Variants in LUZP2 observed in about 807,000 individuals in gnomAD.
LUZP2 encodes the protein leucine zipper protein 2.
A neutral mutation model predicts 51.6 loss-of-function variants in LUZP2; 52 were observed. The ratio of observed to expected loss-of-function variants is 1.01; its 90% CI spans 0.81 to 1.27. LUZP2 has a LOEUF of 1.27. LUZP2 is among the 50% of genes most tolerant of loss of function. The pLI is 0.00. For missense variants in LUZP2, 436 were observed against 395.4 expected (o/e 1.10, Z -0.87); for synonymous variants, 154 against 137.3 (o/e 1.12, Z -0.85).
At chr11:24,940,807 C>A (rs77404819) in intron 7 of LUZP2, among the ~76,000 whole-genome samples, 1 of 152,066 alleles carries the variant, frequency 6.6e-6, no homozygotes, top group Non-Finnish European at 1.5e-5. Flanking sequence ...TGCATAACCT[C>A]TGAGCTATTT....
chr11:24,646,840 AC>A (rs1263065743), intron 1 of LUZP2, among the ~76,000 whole-genome samples: 1 of 152,032 alleles, frequency 6.6e-6, no homozygotes, highest in African/African-American at 2.4e-5. Flanking sequence ...CAGATGAGCT[AC>A]TTTTAGTGCA....
In LUZP2 at chr11:25,079,160, T is replaced by C. The variant is rs935211779; in HGVS notation, c.*502T>C. 1.3e-5 allele frequency: 2 copies of C among 152,582 alleles called. No homozygotes were observed. Among genetic ancestry groups the C allele is most frequent in the African/African-American group, 4.8e-5 (2 of 41,460 alleles). The allele number at this position is 152,582 out of a possible 1,614,324, so 9.5% of individuals were successfully genotyped here. ...GTTTCTTTGATGGTGTTTATTGCTA[T>C]TGGTATTATTTTGAACTAATAACAA... On this transcript the variant is annotated 3_prime_UTR_variant, in exon 12 of 12. Coordinates refer to ENST00000336930, the MANE Select transcript of LUZP2 (RefSeq NM_001009909.4).
intron 10 of LUZP2, among the ~76,000 whole-genome samples, chr11:25,069,059 C>G (rs1177267807): frequency 1.3e-5 from 2 of 151,972 alleles, no homozygotes; most frequent in African/African-American, 4.8e-5. Flanking sequence ...CAACCATTTA[C>G]TTAGGGATCT....
At chr11:24,878,372 T>C (rs889916823) in intron 5 of LUZP2, among the ~76,000 whole-genome samples, 1 of 152,102 alleles carries the variant, frequency 6.6e-6, no homozygotes, top group Non-Finnish European at 1.5e-5. Context: ...CATACCACTC[T>C]CTCCTATCCT....
rs563122478 is a variant in LUZP2 at position 24,798,075 on chromosome 11, T to G, written c.396+34767T>G. ...GTTTTGTGTTATTAAAAAGAAGTCC[T>G]TTTTTGGCTCTGATGCTCTGTAAAA... On this transcript the variant is annotated intron_variant, in intron 5 of 11. Transcript: ENST00000336930. 1.0e-3 allele frequency among the ~76,000 whole-genome samples: 156 copies of G among 152,280 alleles called. 1 individual carries two copies. The South Asian group carries it at 0.02, about 19-fold the overall frequency.
intron 1 of LUZP2, among the ~76,000 whole-genome samples, chr11:24,710,320 C>T (rs745897757): frequency 6.6e-6 from 1 of 152,038 alleles, no homozygotes; most frequent in South Asian, 2.1e-4. Context: ...TGGCTAGATA[C>T]AGTTTGCAGA....
At chr11:24,749,931 A>G (rs1281127876) in intron 4 of LUZP2, among the ~76,000 whole-genome samples, 1 of 152,102 alleles carries the variant, frequency 6.6e-6, no homozygotes, top group Admixed American at 6.5e-5. Flanking sequence ...ATGGCCTATC[A>G]TGGGACTTCG....
At chr11:24,657,812 C>T (rs1406177012) in intron 1 of LUZP2, among the ~76,000 whole-genome samples, 1 of 152,148 alleles carries the variant, frequency 6.6e-6, no homozygotes, top group South Asian at 2.1e-4. Flanking sequence ...CATGAGTGAA[C>T]TCCCATTCAC....
At chr11:24,961,065 G>A (rs543035253) in intron 7 of LUZP2, among the ~76,000 whole-genome samples, 3 of 152,120 alleles carry the variant, frequency 2.0e-5, no homozygotes, top group African/African-American at 7.2e-5. Flanking sequence ...TTTTGAGTGA[G>A]TTTCTTAATC....
chr11:24,673,748 A>G (rs1263246980), intron 1 of LUZP2, among the ~76,000 whole-genome samples: 1 of 152,178 alleles, frequency 6.6e-6, no homozygotes, highest in African/African-American at 2.4e-5. Flanking sequence ...GACATTACCA[A>G]ATGTCCCCTG....
At chr11:24,821,810 G>A (rs1850367204) in intron 5 of LUZP2, among the ~76,000 whole-genome samples, 1 of 151,668 alleles carries the variant, frequency 6.6e-6, no homozygotes, top group South Asian at 2.1e-4. Context: ...AAAAGGTATA[G>A]TAAACTACAG....
chr11:24,729,142 C>T (rs770291398), intron 1 of LUZP2, 27 bp from the exon 2 acceptor site: 1 of 1,254,224 alleles, frequency 8.0e-7, no homozygotes, highest in South Asian at 1.8e-5. Context: ...ATTTGGGGGG[C>T]TCTCATGCCT....
chr11:25,065,250 C>T (rs1189833110), intron 10 of LUZP2, among the ~76,000 whole-genome samples: 1 of 152,034 alleles, frequency 6.6e-6, no homozygotes, highest in Non-Finnish European at 1.5e-5. Context: ...GGCACACAGT[C>T]ATCACCTGGT....
chr11:24,924,535 C>T (rs999179288), intron 7 of LUZP2, among the ~76,000 whole-genome samples: 1 of 152,144 alleles, frequency 6.6e-6, no homozygotes, highest in Non-Finnish European at 1.5e-5. Context: ...ATTTACTCAA[C>T]CTTGGCAAAA....
intron 5 of LUZP2, among the ~76,000 whole-genome samples, chr11:24,846,957 GTA>G (rs1564982133): frequency 6.6e-6 from 1 of 150,826 alleles, no homozygotes; most frequent in African/African-American, 2.4e-5. Context: ...ACATATGTAC[GTA>G]TATGTATATA....
At chr11:24,875,149 T>C (rs1018123151) in intron 5 of LUZP2, among the ~76,000 whole-genome samples, 2 of 151,696 alleles carry the variant, frequency 1.3e-5, no homozygotes, top group African/African-American at 2.4e-5. Flanking sequence ...ATGTGCACAA[T>C]GTGCAGGTTA....
intron 5 of LUZP2, among the ~76,000 whole-genome samples, chr11:24,784,225 GT>G (rs1477706666): frequency 1.3e-5 from 2 of 151,596 alleles, no homozygotes; most frequent in African/African-American, 4.8e-5. Flanking sequence ...AATTTATCTT[GT>G]TTTTATTCTA....
At chr11:24,633,150 G>A (rs1364301235) in intron 1 of LUZP2, among the ~76,000 whole-genome samples, 1 of 151,924 alleles carries the variant, frequency 6.6e-6, no homozygotes, top group Admixed American at 6.6e-5. Flanking sequence ...TCATATGTAT[G>A]TGGCATTTTT....
intron 1 of LUZP2, among the ~76,000 whole-genome samples, chr11:24,692,652 A>G (rs904273769): frequency 6.6e-6 from 1 of 152,058 alleles, no homozygotes; most frequent in African/African-American, 2.4e-5. Flanking sequence ...GTACATAGCT[A>G]AAAAGTCAAC....
Sources: gnomAD v4.1 joint callset for allele counts (sites outside exome capture counted in the v4.1 genomes callset) on GRCh38, gnomAD v4.1.1 for gene constraint, MANE v1.5 for transcripts, NCBI Gene and HGNC (gene_info 2026-07-23, HGNC 2026-07-21) for gene names.